CDH12: variants seen among roughly 807,000 people sequenced by gnomAD.
The protein encoded by CDH12 is cadherin 12, also known as cadherin-12.
Under a neutral mutation model 74.1 loss-of-function variants are expected in CDH12, and 41 were observed. The ratio of observed to expected loss-of-function variants is 0.55; its 90% CI spans 0.43 to 0.72. The LOEUF (loss-of-function observed/expected upper bound fraction) is 0.72, where lower values mean the gene tolerates loss of function less well. Ranked by LOEUF, CDH12 falls within the 30% of genes least tolerant of loss-of-function variation. The pLI, the probability that CDH12 is intolerant of heterozygous loss-of-function variation, is 0.00. For missense variants in CDH12, 945 were observed against 977.2 expected, an observed-to-expected ratio of 0.97 and a Z score of 0.44; for synonymous variants, 399 against 355.0, an observed-to-expected ratio of 1.12 and a Z score of -1.39.
chr5:21,778,367 A>G (rs770095652), intron 11 of CDH12, among the ~76,000 whole-genome samples: 70 of 149,624 alleles, frequency 4.7e-4, no homozygotes, highest in Non-Finnish European at 6.8e-4. Flanking sequence ...ATAGTTTATT[A>G]CTTTATTATA....
chr5:22,035,079 C>T (rs551188222), intron 5 of CDH12, among the ~76,000 whole-genome samples: 60 of 152,124 alleles, frequency 3.9e-4, no homozygotes, highest in Admixed American at 1.4e-3. Context: ...TTTCTAAGAA[C>T]GTGTCAATGA....
intron 1 of CDH12, among the ~76,000 whole-genome samples, chr5:22,698,820 A>T (rs561471963): frequency 6.7e-6 from 1 of 148,464 alleles, no homozygotes; most frequent in Non-Finnish European, 1.5e-5. Context: ...TGGCAGTTCA[A>T]CAATAAAAAC....
chr5:22,061,394 A>G (rs965071334), intron 5 of CDH12, among the ~76,000 whole-genome samples: 3 of 152,124 alleles, frequency 2.0e-5, no homozygotes, highest in Non-Finnish European at 4.4e-5. Context: ...TCTCTCATAT[A>G]TGAGCTACGT....
At chr5:22,444,526 C>T (rs1056398937) in intron 2 of CDH12, among the ~76,000 whole-genome samples, 2 of 143,914 alleles carry the variant, frequency 1.4e-5, no homozygotes, top group African/African-American at 5.1e-5. Context: ...TGCTGTCACA[C>T]AGTTTTTTAA....
intron 3 of CDH12, among the ~76,000 whole-genome samples, chr5:22,351,119 G>A (rs796836311): frequency 3.8e-4 from 58 of 152,132 alleles, no homozygotes; most frequent in African/African-American, 1.3e-3. Context: ...AAATCTCAGT[G>A]GCAGCAAAAC....
intron 3 of CDH12, among the ~76,000 whole-genome samples, chr5:22,376,701 T>TTC (rs1485717551): frequency 6.7e-6 from 1 of 149,998 alleles, no homozygotes; most frequent in Non-Finnish European, 1.5e-5. Context: ...TTTTTTTTTT[T>TTC]TTTTAGAGAT....
At chr5:22,623,665 G>A (rs1187859345) in intron 1 of CDH12, among the ~76,000 whole-genome samples, 2 of 151,978 alleles carry the variant, frequency 1.3e-5, no homozygotes, top group Non-Finnish European at 2.9e-5. Context: ...AAATAAAAGA[G>A]GACACAAACA....
At chr5:22,698,829 A>G (rs1360381370) in intron 1 of CDH12, among the ~76,000 whole-genome samples, 2 of 148,752 alleles carry the variant, frequency 1.3e-5, no homozygotes, top group Non-Finnish European at 3.0e-5. Flanking sequence ...AACAATAAAA[A>G]CTAAATAATT....
intron 1 of CDH12, among the ~76,000 whole-genome samples, chr5:22,846,407 T>C (rs2126533121): frequency 6.6e-6 from 1 of 152,252 alleles, no homozygotes; most frequent in South Asian, 2.1e-4. Flanking sequence ...AGTGATTCTC[T>C]AGATAGAGAG....
intron 3 of CDH12, among the ~76,000 whole-genome samples, chr5:22,313,434 G>C (rs1228054924): frequency 6.6e-6 from 1 of 152,142 alleles, no homozygotes; most frequent in Non-Finnish European, 1.5e-5. Flanking sequence ...TTTTTGAGTA[G>C]AAGACTAATA....
chr5:21,940,711 G>A (rs923313149), intron 6 of CDH12, among the ~76,000 whole-genome samples: 1 of 152,036 alleles, frequency 6.6e-6, no homozygotes, highest in Non-Finnish European at 1.5e-5. Flanking sequence ...GTTTCATATA[G>A]TATATATCTG....
intron 4 of CDH12, among the ~76,000 whole-genome samples, chr5:22,190,621 G>A (rs1750221666): frequency 6.6e-6 from 1 of 152,152 alleles, no homozygotes; most frequent in Non-Finnish European, 1.5e-5. Context: ...TTGGCTGTGA[G>A]TTCCTCCTCT....
intron 5 of CDH12, among the ~76,000 whole-genome samples, chr5:22,045,926 C>G (rs1739919141): frequency 6.6e-6 from 1 of 152,110 alleles, no homozygotes; most frequent in African/African-American, 2.4e-5. Context: ...TCCACAATAT[C>G]TAGAAGAAAG....
intron 1 of CDH12, among the ~76,000 whole-genome samples, chr5:22,585,687 G>T (rs988630370): frequency 6.6e-6 from 1 of 151,868 alleles, no homozygotes; most frequent in Non-Finnish European, 1.5e-5. Context: ...GGAAAAACCT[G>T]CCCTTAAACC....
chr5:22,190,379 T>A (rs1750206004), intron 4 of CDH12, among the ~76,000 whole-genome samples: 1 of 152,040 alleles, frequency 6.6e-6, no homozygotes, highest in Non-Finnish European at 1.5e-5. Flanking sequence ...TATCTATCTA[T>A]CTATCTATCT....
At chr5:22,154,016 C>T (rs953013594) in intron 4 of CDH12, among the ~76,000 whole-genome samples, 1 of 148,970 alleles carries the variant, frequency 6.7e-6, no homozygotes, top group South Asian at 2.1e-4. Context: ...ATATGTATTA[C>T]AGGCATGAGC....
chr5:22,681,897 A>G (rs1429876305), intron 1 of CDH12, among the ~76,000 whole-genome samples: 1 of 152,072 alleles, frequency 6.6e-6, no homozygotes, highest in African/African-American at 2.4e-5. Context: ...TACTTATAAT[A>G]GTTATCTTTC....
At chr5:22,350,887 A>G (rs1223579934) in intron 3 of CDH12, among the ~76,000 whole-genome samples, 1 of 152,208 alleles carries the variant, frequency 6.6e-6, no homozygotes, top group Admixed American at 6.5e-5. Context: ...TTGGGATTTC[A>G]CATCTAGCAG....
intron 1 of CDH12, among the ~76,000 whole-genome samples, chr5:22,686,399 C>G (rs1423351508): frequency 6.6e-6 from 1 of 152,090 alleles, no homozygotes; most frequent in Non-Finnish European, 1.5e-5. Context: ...TACAATTTAC[C>G]TAAATTTTAT....
Sources: gnomAD v4.1 joint callset for allele counts (sites outside exome capture counted in the v4.1 genomes callset) on GRCh38, gnomAD v4.1.1 for gene constraint, MANE v1.5 for transcripts, NCBI Gene and HGNC (gene_info 2026-07-23, HGNC 2026-07-21) for gene names.